The following FERMT2 variants were observed in gnomAD, a reference collection of about 807,000 sequenced individuals.
FERMT2 encodes the protein fermitin family homolog 2.
A neutral mutation model predicts 82.7 loss-of-function variants in FERMT2; 15 were observed. The ratio of observed to expected loss-of-function variants is 0.18; its 90% confidence interval spans 0.12 to 0.28. The LOEUF (loss-of-function observed/expected upper bound fraction) is 0.28, where lower values mean the gene tolerates loss of function less well. Ranked by LOEUF, FERMT2 falls within the 10% of genes least tolerant of loss-of-function variation. The probability of loss-of-function intolerance (pLI) is 1.00; values close to 1 mark genes in which losing one functional copy is unlikely to be tolerated. For missense variants in FERMT2, 645 were observed against 809.4 expected (o/e 0.80, Z 2.46); for synonymous variants, 274 against 271.5 (o/e 1.01, Z -0.09).
At chr14:52,882,211 T>TTA (rs1886340217) in intron 4 of FERMT2, among the ~76,000 whole-genome samples, 1 of 152,190 alleles carries the variant, frequency 6.6e-6, no homozygotes, top group African/African-American at 2.4e-5. Flanking sequence ...TCAACAATTT[T>TTA]ACAAATAAAG....
chr14:52,911,727 C>A (rs1246151845), intron 3 of FERMT2, among the ~76,000 whole-genome samples: 2 of 151,564 alleles, frequency 1.3e-5, no homozygotes, highest in Non-Finnish European at 2.9e-5. Context: ...AATCAAATAC[C>A]CTTCCCTCTT....
At position 52,917,271 on chromosome 14, in the gene FERMT2, C is replaced by CGTGTGT. The variant is rs150322009; in HGVS notation, c.391+1846_391+1851dup. On this transcript the variant is annotated intron_variant, in intron 3 of 14. Coordinates refer to ENST00000341590, the MANE Select transcript of FERMT2 (RefSeq NM_006832.3). ...TTATGGATATATACACACAGAGATA[C>CGTGTGT]GTGTGTGTGTGTGTGTGTGTGTGTA... 4.5e-4 allele frequency among the ~76,000 whole-genome samples: 66 copies of CGTGTGT among 147,646 alleles called. 1 individual carries two copies. Among genetic ancestry groups the CGTGTGT allele is most frequent in the African/African-American group, 1.3e-3 (53 of 40,316 alleles).
At chr14:52,875,980 G>A (rs1281812786) in intron 7 of FERMT2, among the ~76,000 whole-genome samples, 1 of 152,170 alleles carries the variant, frequency 6.6e-6, no homozygotes, top group Non-Finnish European at 1.5e-5. Flanking sequence ...CTACTCATAT[G>A]TAGACAGGAA....
chr14:52,947,588 C>T (rs182756263), intron 2 of FERMT2, among the ~76,000 whole-genome samples: 2 of 152,242 alleles, frequency 1.3e-5, no homozygotes, highest in East Asian at 1.9e-4. Flanking sequence ...AAAGTGTACA[C>T]GTTATTTATA....
chr14:52,930,947 T>C (rs1338068740), intron 2 of FERMT2, among the ~76,000 whole-genome samples: 1 of 152,214 alleles, frequency 6.6e-6, no homozygotes, highest in Non-Finnish European at 1.5e-5. Context: ...TTGACCCCTT[T>C]AGGTCTTTCT....
At position 52,860,386 on chromosome 14, in the gene FERMT2, G is replaced by A. The variant is rs1220375189; in HGVS notation, c.1682C>T (p.Ala561Val). ...LIEAKMRFIQ[A>V]WQSLPEFGIT... ...GCCAAATTCAGGTAGTGACTGCCAAGCTTGAATAAATCTCATCTTGGCTTC... is the reference window on the plus strand; with the variant it reads ...GCCAAATTCAGGTAGTGACTGCCAAACTTGAATAAATCTCATCTTGGCTTC... Residue 561 changes from alanine (A) to valine (V), a missense_variant, in exon 13 of 15, where the codon GCT (alanine) becomes GTT (valine). By Grantham distance (64) the Ala-to-Val change is moderately conservative. Transcript: ENST00000341590. The A allele has an allele frequency of 6.2e-7, 1 of 1,613,860 alleles. No homozygotes were observed. Among genetic ancestry groups the A allele is most frequent in the Non-Finnish European group, 8.5e-7 (1 of 1,179,830 alleles).
Position 52,909,762 on chromosome 14 carries a change from T to C in FERMT2, c.391+9361A>G, listed in dbSNP as rs117336509. 5.0e-3 allele frequency among the ~76,000 whole-genome samples: 765 copies of C among 152,180 alleles called. 5 individuals are homozygous for C. The highest frequency in any genetic ancestry group is 0.049 in the East Asian group (254 of 5,160). On this transcript the variant is annotated intron_variant, in intron 3 of 14. Coordinates refer to ENST00000341590, the MANE Select transcript of FERMT2 (RefSeq NM_006832.3). ...AAAGTAGTTTAAGTGATCCTTCATT[T>C]CCTTTTCATCTTTATTTAAAAATCC...
chr14:52,906,784 A>T lies in FERMT2; in HGVS notation c.391+12339T>A, dbSNP rs1383975340. Among the ~76,000 whole-genome samples the T allele has an allele frequency of 2.6e-5, 4 of 152,282 alleles. No homozygotes were observed. In the East Asian group the frequency reaches 7.7e-4, roughly 29 times the overall value. On this transcript the variant is annotated intron_variant, in intron 3 of 14. Transcript: ENST00000341590. ...AAAGATCAATGGACTTGAAGATATGAATAAATCTTAAAAAAACTATTTCAG... is the reference window on the plus strand; with the variant it reads ...AAAGATCAATGGACTTGAAGATATGTATAAATCTTAAAAAAACTATTTCAG...
At chr14:52,894,900 A>C (rs915118419) in intron 3 of FERMT2, among the ~76,000 whole-genome samples, 2 of 150,994 alleles carry the variant, frequency 1.3e-5, no homozygotes, top group African/African-American at 2.4e-5. Flanking sequence ...AAAAAAAAAA[A>C]AACCCCAACC....
chr14:52,946,803 G>A lies in FERMT2; in HGVS notation c.157+3609C>T, dbSNP rs548137514. ...TTCTCCTGCCTCAGCCTCCCAAGCAGCTGAGATTCCAGGCACATGCCACCA... is the reference window on the plus strand; with the variant it reads ...TTCTCCTGCCTCAGCCTCCCAAGCAACTGAGATTCCAGGCACATGCCACCA... On this transcript the variant is annotated intron_variant, in intron 2 of 14. Transcript: ENST00000341590. Among the ~76,000 whole-genome samples the A allele has an allele frequency of 7.2e-5, 11 of 152,186 alleles. No homozygotes were observed. In the South Asian group the frequency reaches 2.1e-3, roughly 29 times the overall value.
intron 3 of FERMT2, among the ~76,000 whole-genome samples, chr14:52,916,615 C>T (rs1888629487): frequency 6.6e-6 from 1 of 152,040 alleles, no homozygotes; most frequent in African/African-American, 2.4e-5. Flanking sequence ...AGTAGATACA[C>T]GAGTATATAT....
At chr14:52,865,938 C>G (rs1344877443) in intron 10 of FERMT2, among the ~76,000 whole-genome samples, 1 of 152,142 alleles carries the variant, frequency 6.6e-6, no homozygotes, top group Admixed American at 6.5e-5. Context: ...AAAATATTTA[C>G]TACATATGAA....
At chr14:52,921,565 G>A (rs1888957846) in intron 2 of FERMT2, among the ~76,000 whole-genome samples, 1 of 152,144 alleles carries the variant, frequency 6.6e-6, no homozygotes. Context: ...TTAGATGACT[G>A]ATCACATATT....
At chr14:52,942,101 A>G (rs1373173761) in intron 2 of FERMT2, among the ~76,000 whole-genome samples, 1 of 152,124 alleles carries the variant, frequency 6.6e-6, no homozygotes, top group Non-Finnish European at 1.5e-5. Flanking sequence ...AACTTATTAA[A>G]TATACTAGAT....
chr14:52,870,311 G>A (rs918337735), intron 10 of FERMT2, among the ~76,000 whole-genome samples: 5 of 150,916 alleles, frequency 3.3e-5, no homozygotes, highest in African/African-American at 4.9e-5. Flanking sequence ...GTGCAATGGC[G>A]TGATCTCAGC....
chr14:52,922,813 C>G (rs1889038648), intron 2 of FERMT2, among the ~76,000 whole-genome samples: 1 of 152,202 alleles, frequency 6.6e-6, no homozygotes, highest in Admixed American at 6.5e-5. Context: ...CTGCCTTCTG[C>G]CTTTTTATGG....
At chr14:52,908,262 G>T (rs1038809042) in intron 3 of FERMT2, among the ~76,000 whole-genome samples, 4 of 152,180 alleles carry the variant, frequency 2.6e-5, no homozygotes, top group Non-Finnish European at 5.9e-5. Context: ...CTTTGGAAAA[G>T]AATTTGACTA....
Position 52,947,464 on chromosome 14 carries a change from G to C in FERMT2, c.157+2948C>G, listed in dbSNP as rs534735799. ...ACTGCACTCCAGTCTGGGCGACAGA[G>C]TGAGACTCCCGTCTCAAAAAGTAAA... On this transcript the variant is annotated intron_variant, in intron 2 of 14. Transcript: ENST00000341590. Among the ~76,000 whole-genome samples the C allele has an allele frequency of 3.1e-3, 465 of 152,264 alleles. 4 individuals are homozygous for C. Among genetic ancestry groups the C allele is most frequent in the African/African-American group, 0.01 (432 of 41,550 alleles).
chr14:52,936,887 G>A (rs1889861045), intron 2 of FERMT2, among the ~76,000 whole-genome samples: 1 of 152,122 alleles, frequency 6.6e-6, no homozygotes, highest in Admixed American at 6.5e-5. Flanking sequence ...GGGAGCAGTG[G>A]CTCATGCTTG....
Sources: gnomAD v4.1 joint callset for allele counts (sites outside exome capture counted in the v4.1 genomes callset) on GRCh38, gnomAD v4.1.1 for gene constraint, MANE v1.5 for transcripts, NCBI Gene and HGNC (gene_info 2026-07-23, HGNC 2026-07-21) for gene names.